The following STAT5B variants were observed in gnomAD, a reference collection of about 807,000 sequenced individuals.
STAT5B encodes signal transducer and activator of transcription 5B, also known as transcription factor STAT5B.
In STAT5B, 21 loss-of-function variants were observed where a neutral mutation model predicts 107.8. That is an observed-to-expected ratio of 0.19 (90% CI 0.14 to 0.28). The LOEUF is 0.28. STAT5B is among the 10% of genes least tolerant of loss of function. The probability of loss-of-function intolerance (pLI) is 1.00; values close to 1 mark genes in which losing one functional copy is unlikely to be tolerated. For synonymous variants in STAT5B, 325 were observed against 401.7 expected (o/e 0.81, Z 2.28); for missense variants, 565 against 1,008.2 (o/e 0.56, Z 5.95).
At chr17:42,248,691 C>T (rs2144352040) in intron 1 of STAT5B, among the ~76,000 whole-genome samples, 2 of 152,348 alleles carry the variant, frequency 1.3e-5, no homozygotes, top group South Asian at 4.1e-4. Flanking sequence ...TGCTGCAAGG[C>T]ATCAGCCAGG....
At chr17:42,244,249 G>C (rs1379187103) in intron 1 of STAT5B, among the ~76,000 whole-genome samples, 2 of 149,000 alleles carry the variant, frequency 1.3e-5, no homozygotes, top group Non-Finnish European at 3.0e-5. Flanking sequence ...CACCATGCCC[G>C]GCTAATTTTT....
chr17:42,214,705 G>A, intron 12 of STAT5B: 1 of 916,246 alleles, frequency 1.1e-6, no homozygotes, highest in Non-Finnish European at 1.3e-6. Flanking sequence ...TGCTTTTATG[G>A]ACTAATCTCT....
At chr17:42,210,150 T>C (rs781716326) in intron 15 of STAT5B, 21 bp downstream of exon 15, 1 of 1,614,152 alleles carries the variant, frequency 6.2e-7, no homozygotes, top group Non-Finnish European at 8.5e-7. Context: ...ACTTTGGACA[T>C]AAGAAGGGAG....
intron 1 of STAT5B, among the ~76,000 whole-genome samples, chr17:42,265,639 C>T (rs113050960): frequency 2.6e-4 from 40 of 152,238 alleles, no homozygotes; most frequent in African/African-American, 9.1e-4. Flanking sequence ...GCCTGAGCTC[C>T]CATGCCCAGC....
chr17:42,238,548 G>A (rs1194700154), intron 1 of STAT5B, among the ~76,000 whole-genome samples: 3 of 149,988 alleles, frequency 2.0e-5, no homozygotes, highest in Admixed American at 6.7e-5. Flanking sequence ...TCCGCCTCCC[G>A]GGTTTAAGCA....
chr17:42,262,753 TGTGTGTATATATATAC>T (rs2080611114), intron 1 of STAT5B, among the ~76,000 whole-genome samples: 1 of 76,410 alleles, frequency 1.3e-5, no homozygotes, highest in Admixed American at 1.1e-4. Flanking sequence ...TGTATATATA[TGTGTGTATATATATAC>T]ATATATGTAT....
At chr17:42,223,928 C>T (rs1453746864) in intron 4 of STAT5B, among the ~76,000 whole-genome samples, 2 of 152,134 alleles carry the variant, frequency 1.3e-5, no homozygotes, top group Non-Finnish European at 2.9e-5. Context: ...ACTCACTGAC[C>T]CAATGCAAGG....
intron 4 of STAT5B, 142 bp downstream of exon 4, chr17:42,224,637 T>A: frequency 1.2e-6 from 1 of 847,628 alleles, no homozygotes; most frequent in South Asian, 1.4e-5. Flanking sequence ...GTCTCCTATT[T>A]CTTTTGTGCC....
chr17:42,271,646 T>C (rs1254334647), intron 1 of STAT5B: 2 of 152,164 alleles, frequency 1.3e-5, no homozygotes, highest in African/African-American at 4.8e-5. Context: ...TTGCAGTAGA[T>C]TTTGCAAGCT....
At chr17:42,273,239 T>C (rs1365520263) in intron 1 of STAT5B, among the ~76,000 whole-genome samples, 1 of 152,196 alleles carries the variant, frequency 6.6e-6, no homozygotes, top group Admixed American at 6.5e-5. Flanking sequence ...AACTTCTGAT[T>C]TTAGAAGAGT....
rs992474490 is a variant in STAT5B at position 42,219,788 on chromosome 17, G to A, written c.605C>T (p.Thr202Met). The A allele has an allele frequency of 4.3e-6, 7 of 1,613,652 alleles. No homozygotes were observed. The highest frequency in any genetic ancestry group is 5.9e-6 in the Non-Finnish European group (7 of 1,179,936). The change falls in exon 6 of 19, where the codon ACG becomes ATG. Residue 202 changes from threonine (T) to methionine (M), a missense_variant. Transcript: ENST00000293328. ...LSPQERLSRETALQQKQVSLE... is the reference protein window; with the variant it reads ...LSPQERLSREMALQQKQVSLE... Reference sequence around the variant, plus strand: ...AGACACCTGCTTCTGCTGGAGGGCCGTCTCCCGGCTCAGACGCTCCTGGGG... The same window carrying A: ...AGACACCTGCTTCTGCTGGAGGGCCATCTCCCGGCTCAGACGCTCCTGGGG...
rs182636184 is a variant in STAT5B at position 42,212,762 on chromosome 17, T to C, written c.1474-572A>G. On this transcript the variant is annotated intron_variant, in intron 12 of 18. Coordinates refer to ENST00000293328, the MANE Select transcript of STAT5B (RefSeq NM_012448.4). ...AACTGCTTTTCAACCCGTTCAGCCA[T>C]AGTACTCCATTTTATTTTGTTACAA... 5.3e-5 allele frequency among the ~76,000 whole-genome samples: 8 copies of C among 152,370 alleles called. No homozygotes were observed. In the East Asian group the frequency reaches 1.3e-3, roughly 26 times the overall value.
the STAT5B span, among the ~76,000 whole-genome samples, chr17:42,282,903 T>G: frequency 6.6e-6 from 1 of 152,124 alleles, no homozygotes; most frequent in Admixed American, 6.5e-5. Flanking sequence ...TGCTTGGAGT[T>G]GAGAGGCCAG....
chr17:42,266,694 G>C (rs2144415666), intron 1 of STAT5B, among the ~76,000 whole-genome samples: 1 of 152,074 alleles, frequency 6.6e-6, no homozygotes, highest in South Asian at 2.1e-4. Flanking sequence ...GACATAGCAA[G>C]ACCCCTGTCT....
chr17:42,245,964 A>C (rs1351247333), intron 1 of STAT5B, among the ~76,000 whole-genome samples: 1 of 152,192 alleles, frequency 6.6e-6, no homozygotes, highest in Non-Finnish European at 1.5e-5. Flanking sequence ...TGGCCTGTAG[A>C]CACATTTTTT....
upstream of STAT5B, among the ~76,000 whole-genome samples, chr17:42,277,792 G>A (rs2080777008): frequency 7.4e-6 from 1 of 134,698 alleles, no homozygotes; most frequent in African/African-American, 2.8e-5. Flanking sequence ...GTCTCTCTCT[G>A]TTGCCCAGGC....
intron 1 of STAT5B, among the ~76,000 whole-genome samples, chr17:42,243,574 G>A (rs1304307843): frequency 2.6e-5 from 4 of 152,158 alleles, no homozygotes; most frequent in Non-Finnish European, 1.5e-5. Context: ...TGACAGTGGT[G>A]GGGAGTGTGG....
At chr17:42,248,611 A>C (rs769075343) in intron 1 of STAT5B, among the ~76,000 whole-genome samples, 2 of 152,206 alleles carry the variant, frequency 1.3e-5, no homozygotes, top group Non-Finnish European at 2.9e-5. Flanking sequence ...TGGTGTAGGA[A>C]CTTGAGTGCA....
intron 1 of STAT5B, chr17:42,272,226 T>C (rs2080726969): frequency 6.6e-6 from 1 of 152,194 alleles, no homozygotes; most frequent in African/African-American, 2.4e-5. Context: ...TGAGCTCTAA[T>C]ACCATACCCT....
Sources: allele counts gnomAD v4.1 joint callset (sites outside exome capture counted in the v4.1 genomes callset), GRCh38; gene constraint gnomAD v4.1.1; transcripts MANE v1.5; gene names NCBI Gene and HGNC (gene_info 2026-07-23, HGNC 2026-07-21).